PCDHGA1: variants seen among roughly 807,000 people sequenced by gnomAD.
PCDHGA1 encodes the protein protocadherin gamma-A1.
Under a neutral mutation model 58.0 loss-of-function variants are expected in PCDHGA1, and 32 were observed. That is an observed-to-expected ratio of 0.55 (90% CI 0.42 to 0.74). The LOEUF is 0.74. Among genes scored for constraint, PCDHGA1 ranks in the 30% least tolerant of loss-of-function variants. The probability of loss-of-function intolerance (pLI) is 0.00; values close to 1 mark genes in which losing one functional copy is unlikely to be tolerated. For missense variants in PCDHGA1, 1,205 were observed against 1,182.3 expected, an observed-to-expected ratio of 1.02 and a Z score of -0.28; for synonymous variants, 498 against 501.1, an observed-to-expected ratio of 0.99 and a Z score of 0.08.
At chr5:141,510,917 C>G in intron 3 of PCDHGA1, 30 bp from the exon 4 acceptor site, 1 of 1,613,854 alleles carries the variant, frequency 6.2e-7, no homozygotes, top group Non-Finnish European at 8.5e-7. Flanking sequence ...CTAAGTTTAG[C>G]TCCCACCTGA....
At chr5:141,405,364 C>T in intron 1 of PCDHGA1, 1 of 1,613,548 alleles carries the variant, frequency 6.2e-7, no homozygotes, top group Non-Finnish European at 8.5e-7. Flanking sequence ...TAGAAGACAC[C>T]CCTTTGGTTC....
chr5:141,356,676 C>T (rs773817412), intron 1 of PCDHGA1: 16 of 1,613,838 alleles, frequency 9.9e-6, no homozygotes, highest in East Asian at 2.2e-5. Flanking sequence ...ACTCCCTGGC[C>T]GAAGACACCT....
At chr5:141,411,771 A>C (rs2095514402) in intron 1 of PCDHGA1, 1 of 151,946 alleles carries the variant, frequency 6.6e-6, no homozygotes, top group Non-Finnish European at 1.5e-5. Flanking sequence ...GGTCTCAGCT[A>C]CTCTGGTGGC....
In PCDHGA1 at chr5:141,361,888, G is replaced by A. The variant is rs201231976; in HGVS notation, c.2421+28783G>A. 488 of 1,610,218 alleles carry A rather than the reference G, an allele frequency of 3.0e-4. 1 individual carries two copies. The African/African-American group carries it at 5.4e-3, about 18-fold the overall frequency. On this transcript the variant is annotated intron_variant, in intron 1 of 3. Coordinates refer to ENST00000517417, the MANE Select transcript of PCDHGA1 (RefSeq NM_018912.3). ...TATGGTGCCACGCGCCGCAGAGCCC[G>A]GCTACCTGGTGACCAAGGTGGTGGC...
rs1413611606 is a variant in PCDHGA1, at chr5:141,368,566, G to A, written c.2421+35461G>A. Among the ~76,000 whole-genome samples, 6 of 152,186 alleles carry A rather than the reference G, an allele frequency of 3.9e-5. No individual in the cohort carries two copies. The East Asian group carries it at 1.2e-3, about 29-fold the overall frequency. On this transcript the variant is annotated intron_variant, in intron 1 of 3. Coordinates refer to ENST00000517417, the MANE Select transcript of PCDHGA1 (RefSeq NM_018912.3). ...TTTTTTTTAAAAGAAAATGTTATATGCTTCTTAGGGTAAGGTGTTTGGGAA... is the reference window on the plus strand; with the variant it reads ...TTTTTTTTAAAAGAAAATGTTATATACTTCTTAGGGTAAGGTGTTTGGGAA...
At chr5:141,507,858 AC>A (rs2099864314) in intron 3 of PCDHGA1, among the ~76,000 whole-genome samples, 1 of 151,748 alleles carries the variant, frequency 6.6e-6, no homozygotes, top group African/African-American at 2.4e-5. Flanking sequence ...TCACTTTCAC[AC>A]CCGCTTCCTA....
At chr5:141,421,229 T>C (rs776952658) in intron 1 of PCDHGA1, 3 of 1,589,662 alleles carry the variant, frequency 1.9e-6, no homozygotes, top group South Asian at 1.1e-5. Flanking sequence ...GAGCCTGCCA[T>C]GGCGAATCGG....
chr5:141,431,090 G>C lies in PCDHGA1; in HGVS notation c.2422-63717G>C. On this transcript the variant is annotated intron_variant, in intron 1 of 3. Transcript: ENST00000517417. The surrounding 1 kb of genome is among the most constrained non-coding windows in gnomAD (Gnocchi z 4.8). ...TCAATTAAATCTAGACATTCTGATG[G>C]AGGATAAAGTGAAAATATATGGAGT... is the stretch of plus-strand genomic sequence containing the variant. 6.2e-7 allele frequency: 1 copy of C among 1,614,246 alleles called. No homozygotes were observed. The highest frequency in any genetic ancestry group is 8.5e-7 in the Non-Finnish European group (1 of 1,180,032).
At chr5:141,351,815 G>A (rs1270557106) in intron 1 of PCDHGA1, 2 of 1,613,116 alleles carry the variant, frequency 1.2e-6, no homozygotes, top group East Asian at 2.2e-5. Flanking sequence ...CTTCGACCAC[G>A]AGCAGCTGCG....
At chr5:141,413,550 A>C (rs2095653911) in intron 1 of PCDHGA1, 1 of 1,613,974 alleles carries the variant, frequency 6.2e-7, no homozygotes, top group Non-Finnish European at 8.5e-7. Context: ...GGATAGAAAT[A>C]GAAGTAACTG....
chr5:141,384,850 C>A, intron 1 of PCDHGA1: 1 of 1,613,646 alleles, frequency 6.2e-7, no homozygotes, highest in African/African-American at 1.3e-5. Context: ...GGACCACGGT[C>A]AGCCTCCTCT....
chr5:141,336,166 T>C (rs1260281373), intron 1 of PCDHGA1, among the ~76,000 whole-genome samples: 1 of 151,832 alleles, frequency 6.6e-6, no homozygotes, highest in East Asian at 1.9e-4. Context: ...AAGCAGACAA[T>C]AAATGTAATA....
At position 141,485,831 on chromosome 5, in the gene PCDHGA1, C is replaced by A; in HGVS notation, c.2422-8976C>A. The A allele has an allele frequency of 6.2e-7, 1 of 1,614,080 alleles. No individual in the cohort carries two copies. Among genetic ancestry groups the A allele is most frequent in the Non-Finnish European group, 8.5e-7 (1 of 1,180,026 alleles). ...GCTGACTGCTGTCGATGGAGGGAAC[C>A]CGCCGAGATCTGGCACCGCAGAGCT... On this transcript the variant is annotated intron_variant, in intron 1 of 3. Coordinates refer to ENST00000517417, the MANE Select transcript of PCDHGA1 (RefSeq NM_018912.3). The surrounding 1 kb of genome is among the most constrained non-coding windows in gnomAD (Gnocchi z 5.7).
chr5:141,344,470 C>T, intron 1 of PCDHGA1: 2 of 1,613,888 alleles, frequency 1.2e-6, no homozygotes, highest in Non-Finnish European at 1.7e-6. Context: ...GGTGAACTAA[C>T]GGTTCCTGGA....
At chr5:141,414,919 G>A (rs2095801962) in intron 1 of PCDHGA1, 2 of 1,614,050 alleles carry the variant, frequency 1.2e-6, no homozygotes, top group African/African-American at 2.7e-5. Context: ...CGTGGAGCTG[G>A]CGCCCCGCTC....
chr5:141,393,588 A>G, intron 1 of PCDHGA1: 1 of 1,613,924 alleles, frequency 6.2e-7, no homozygotes. Context: ...GCCCCCAGGC[A>G]CGCGGCTGCT....
Position 141,439,440 on chromosome 5 carries a change from A to T in PCDHGA1, c.2422-55367A>T, listed in dbSNP as rs147662506. 1.4e-3 allele frequency among the ~76,000 whole-genome samples: 212 copies of T among 152,330 alleles called. 1 individual carries two copies. The highest frequency in any genetic ancestry group is 4.8e-3 in the African/African-American group (198 of 41,576). On this transcript the variant is annotated intron_variant, in intron 1 of 3. Transcript: ENST00000517417. Reference sequence around the variant, plus strand: ...GGTTATAAATTCCCAGGAATATTTTATTGCGGGAGCAAGACTGCACTGCTG... The same window carrying T: ...GGTTATAAATTCCCAGGAATATTTTTTTGCGGGAGCAAGACTGCACTGCTG...
At chr5:141,365,092 C>T in intron 1 of PCDHGA1, 1 of 1,613,856 alleles carries the variant, frequency 6.2e-7, no homozygotes, top group Non-Finnish European at 8.5e-7. Flanking sequence ...TTCCAGAGAA[C>T]ATACCTGTGG....
At chr5:141,348,149 T>C (rs1561494600) in intron 1 of PCDHGA1, among the ~76,000 whole-genome samples, 1 of 152,220 alleles carries the variant, frequency 6.6e-6, no homozygotes, top group Non-Finnish European at 1.5e-5. Flanking sequence ...ATGAGAGTTA[T>C]CCAAAATTAG....
Sources: gnomAD v4.1 joint callset for allele counts (sites outside exome capture counted in the v4.1 genomes callset) on GRCh38, gnomAD v4.1.1 for gene constraint, Gnocchi (gnomAD v3.1) non-coding constraint, MANE v1.5 for transcripts, NCBI Gene and HGNC (gene_info 2026-07-23, HGNC 2026-07-21) for gene names.